Variants in CPNE4 observed in about 807,000 individuals in gnomAD.
CPNE4 encodes copine-4.
A neutral mutation model predicts 67.9 loss-of-function variants in CPNE4; 25 were observed. That is an observed-to-expected ratio of 0.37 (90% CI 0.27 to 0.51). CPNE4 has a LOEUF of 0.51. Ranked by LOEUF, CPNE4 falls within the 20% of genes least tolerant of loss-of-function variation. The probability of loss-of-function intolerance (pLI) is 0.93; values close to 1 mark genes in which losing one functional copy is unlikely to be tolerated. For missense variants in CPNE4, 464 were observed against 690.8 expected, an observed-to-expected ratio of 0.67 and a Z score of 3.68; for synonymous variants, 242 against 244.9, an observed-to-expected ratio of 0.99 and a Z score of 0.11.
chr3:131,841,909 G>T (rs1289306202), intron 2 of CPNE4, among the ~76,000 whole-genome samples: 3 of 152,222 alleles, frequency 2.0e-5, no homozygotes. Context: ...GGAAATAAAA[G>T]TTCTGCCTGA....
At chr3:131,638,142 G>C (rs1401998848) in intron 7 of CPNE4, among the ~76,000 whole-genome samples, 53 of 151,662 alleles carry the variant, frequency 3.5e-4, no homozygotes. Flanking sequence ...AAAACCACAA[G>C]GTATTCAGGC....
At chr3:131,583,627 A>T (rs1341568460) in intron 8 of CPNE4, among the ~76,000 whole-genome samples, 1 of 152,210 alleles carries the variant, frequency 6.6e-6, no homozygotes, top group African/African-American at 2.4e-5. Context: ...ATGAGCAAGT[A>T]TGGGTTGGCT....
At chr3:131,607,435 G>A (rs1233885094) in intron 7 of CPNE4, among the ~76,000 whole-genome samples, 1 of 152,134 alleles carries the variant, frequency 6.6e-6, no homozygotes, top group Non-Finnish European at 1.5e-5. Flanking sequence ...TCCATTCACT[G>A]ATGGAAATGG....
At chr3:132,022,567 C>CA (rs764015160) in intron 1 of CPNE4, among the ~76,000 whole-genome samples, 10 of 38,844 alleles carry the variant, frequency 2.6e-4, no homozygotes, top group Admixed American at 7.7e-4. Flanking sequence ...AGATGCTATA[C>CA]AAAAAAAAAA....
At chr3:131,670,878 C>A (rs1406944202) in intron 6 of CPNE4, among the ~76,000 whole-genome samples, 2 of 151,940 alleles carry the variant, frequency 1.3e-5, no homozygotes, top group Non-Finnish European at 2.9e-5. Context: ...ATGGTGCAAT[C>A]TTGGCTCACT....
intron 2 of CPNE4, among the ~76,000 whole-genome samples, chr3:131,862,866 AC>A (rs2086751517): frequency 9.1e-6 from 1 of 109,734 alleles, no homozygotes; most frequent in Non-Finnish European, 1.9e-5. Flanking sequence ...CCATCCCCCC[AC>A]CCCACAACAG....
intron 2 of CPNE4, among the ~76,000 whole-genome samples, chr3:131,789,793 CA>C (rs922906463): frequency 4.0e-5 from 6 of 151,232 alleles, no homozygotes; most frequent in Non-Finnish European, 7.4e-5. Flanking sequence ...TTTGAGGGGG[CA>C]TATACACAAG....
chr3:131,907,172 G>T (rs2088805481), intron 1 of CPNE4, among the ~76,000 whole-genome samples: 1 of 152,054 alleles, frequency 6.6e-6, no homozygotes, highest in Admixed American at 6.6e-5. Context: ...TCCACCAGAG[G>T]CCATCAGTGC....
At chr3:131,995,185 C>T (rs2073259631) in intron 1 of CPNE4, among the ~76,000 whole-genome samples, 1 of 152,116 alleles carries the variant, frequency 6.6e-6, no homozygotes, top group African/African-American at 2.4e-5. Context: ...TCAGAATTCA[C>T]ACACACAAAC....
chr3:131,583,537 T>C (rs749400023), intron 8 of CPNE4, among the ~76,000 whole-genome samples: 4 of 152,220 alleles, frequency 2.6e-5, no homozygotes, highest in African/African-American at 7.2e-5. Context: ...GCAGGATATA[T>C]TGAGTTAAAG....
chr3:131,547,794 T>C (rs752919158), intron 14 of CPNE4, among the ~76,000 whole-genome samples: 7 of 152,152 alleles, frequency 4.6e-5, no homozygotes, highest in Non-Finnish European at 7.3e-5. Context: ...AAGAACATGA[T>C]GTAATGAACA....
In CPNE4 at chr3:131,756,650, G is replaced by A. The variant is rs1301012492; in HGVS notation, c.181-33025C>T. 2.0e-5 allele frequency among the ~76,000 whole-genome samples: 3 copies of A among 152,246 alleles called. No homozygotes were observed. In the East Asian group the frequency reaches 5.8e-4, roughly 29 times the overall value. On this transcript the variant is annotated intron_variant, in intron 2 of 15. Coordinates refer to ENST00000429747, the MANE Select transcript of CPNE4 (RefSeq NM_130808.3). ...GACAGCCAACACCTAAGGGGCTCCA[G>A]TTGGCACTGGGCCATTAGTGACAGT... is the stretch of plus-strand genomic sequence containing the variant.
intron 3 of CPNE4, among the ~76,000 whole-genome samples, chr3:131,713,629 C>G (rs1329385916): frequency 6.6e-6 from 1 of 152,064 alleles, no homozygotes; most frequent in African/African-American, 2.4e-5. Context: ...GCAAACTGCC[C>G]AAGGCCATAC....
intron 2 of CPNE4, among the ~76,000 whole-genome samples, chr3:131,761,017 G>C (rs1486286078): frequency 6.6e-6 from 1 of 152,076 alleles, no homozygotes; most frequent in Non-Finnish European, 1.5e-5. Context: ...AAGATGCCTA[G>C]ATAAATTCAT....
intron 2 of CPNE4, among the ~76,000 whole-genome samples, chr3:131,840,925 T>G (rs2085754578): frequency 6.6e-6 from 1 of 152,102 alleles, no homozygotes; most frequent in South Asian, 2.1e-4. Flanking sequence ...CTTTCTGCTC[T>G]CTCCCTCCTG....
At chr3:131,968,804 C>T (rs920192197) in intron 1 of CPNE4, among the ~76,000 whole-genome samples, 4 of 152,170 alleles carry the variant, frequency 2.6e-5, no homozygotes, top group African/African-American at 9.7e-5. Flanking sequence ...TGTGGCAATT[C>T]CTCCAGGATC....
At chr3:131,683,871 T>A (rs2080819447) in intron 6 of CPNE4, among the ~76,000 whole-genome samples, 1 of 152,132 alleles carries the variant, frequency 6.6e-6, no homozygotes, top group Non-Finnish European at 1.5e-5. Context: ...TAGGACTGGT[T>A]TAAATTCTTC....
At chr3:131,792,693 A>ATATG (rs1560322701) in intron 2 of CPNE4, among the ~76,000 whole-genome samples, 1 of 60,646 alleles carries the variant, frequency 1.6e-5, no homozygotes, top group African/African-American at 6.7e-5. Context: ...ACGTGTATAT[A>ATATG]TACATATACA....
intron 2 of CPNE4, among the ~76,000 whole-genome samples, chr3:131,821,003 G>T (rs1437398285): frequency 1.3e-5 from 2 of 152,136 alleles, no homozygotes; most frequent in East Asian, 3.9e-4. Flanking sequence ...TTTTTGGAAA[G>T]ACATATCTTG....
Sources: allele counts gnomAD v4.1 joint callset (sites outside exome capture counted in the v4.1 genomes callset), GRCh38; gene constraint gnomAD v4.1.1; transcripts MANE v1.5; gene names NCBI Gene and HGNC (gene_info 2026-07-23, HGNC 2026-07-21).